Variants in PPP1R12A observed in about 807,000 individuals in gnomAD.
The protein encoded by PPP1R12A is myosin binding subunit.
In PPP1R12A, 19 loss-of-function variants were observed where a neutral mutation model predicts 139.6. The observed-to-expected ratio is 0.14, with a 90% CI of 0.09 to 0.20. The LOEUF (loss-of-function observed/expected upper bound fraction) is 0.20, where lower values mean the gene tolerates loss of function less well. Ranked by LOEUF, PPP1R12A falls within the 10% of genes least tolerant of loss-of-function variation. The pLI is 1.00. For missense variants in PPP1R12A, 925 were observed against 1,211.5 expected (o/e 0.76, Z 3.51); for synonymous variants, 427 against 420.6 (o/e 1.02, Z -0.19).
chr12:79,862,845 G>A (rs543572626), intron 2 of PPP1R12A, among the ~76,000 whole-genome samples: 12 of 152,320 alleles, frequency 7.9e-5, no homozygotes, highest in Admixed American at 7.8e-4. Context: ...TGTTTGATTG[G>A]TATACCTGAA....
chr12:79,798,607 C>G (rs1337690458), intron 14 of PPP1R12A, 23 bp from the exon 15 acceptor site: 2 of 1,392,208 alleles, frequency 1.4e-6, no homozygotes, highest in Non-Finnish European at 2.0e-6. Flanking sequence ...ATTGAAAAAT[C>G]GTTAGTTGTA....
chr12:79,907,514 TAAAC>T (rs969665772), intron 1 of PPP1R12A, among the ~76,000 whole-genome samples: 8 of 152,194 alleles, frequency 5.3e-5, no homozygotes, highest in Non-Finnish European at 1.0e-4. Flanking sequence ...AAGAACTTGA[TAAAC>T]AGAGCAAGTG....
At chr12:79,788,868 A>G (rs1871443291) in intron 20 of PPP1R12A, 85 bp from the exon 21 acceptor site, 1 of 1,206,600 alleles carries the variant, frequency 8.3e-7, no homozygotes, top group Non-Finnish European at 1.1e-6. Context: ...ATATAACTTG[A>G]CAGTTCAAAA....
Position 79,934,996 on chromosome 12 carries a change from A to G in PPP1R12A, c.-65T>C, listed in dbSNP as rs974572753. ...GAAGGGGGAGGCGGAGAGGGAAGAGAGGGGAGGCAGGGGGTGTGTGAATGT... is the reference window on the plus strand; with the variant it reads ...GAAGGGGGAGGCGGAGAGGGAAGAGGGGGGAGGCAGGGGGTGTGTGAATGT... On this transcript the variant is annotated 5_prime_UTR_variant, in exon 1 of 25. Coordinates refer to ENST00000450142, the MANE Select transcript of PPP1R12A (RefSeq NM_002480.3). 199 of 1,500,162 alleles carry G rather than the reference A, an allele frequency of 1.3e-4. No homozygotes were observed. The highest frequency in any genetic ancestry group is 1.6e-4 in the Non-Finnish European group (183 of 1,122,136). 92.9% of individuals were successfully genotyped at this position (1,500,162 alleles called of 1,614,324 possible). A position where few individuals can be genotyped will look rare whatever the true frequency, so the allele number is the denominator to read the frequency against.
intron 2 of PPP1R12A, among the ~76,000 whole-genome samples, chr12:79,846,470 C>CCCAGGGA (rs1879409880): frequency 6.6e-6 from 1 of 152,050 alleles, no homozygotes; most frequent in Non-Finnish European, 1.5e-5. Context: ...CGCTTTGTCA[C>CCCAGGGA]CCAGGCTGGA....
At position 79,904,208 on chromosome 12, in the gene PPP1R12A, C is replaced by CT. The variant is rs1295576528; in HGVS notation, c.237+30486dup. Among the ~76,000 whole-genome samples the CT allele has an allele frequency of 2.0e-5, 3 of 150,902 alleles. No individual in the cohort carries two copies. The East Asian group carries it at 5.9e-4, about 29-fold the overall frequency. On this transcript the variant is annotated intron_variant, in intron 1 of 24. Transcript: ENST00000450142. ...CCAGCCTGGGTGACAGAGTAAGACT[C>CT]TGTCTCCAAAAAAAAAAAGGAGTGT...
At chr12:79,930,017 T>C (rs1218372991) in intron 1 of PPP1R12A, among the ~76,000 whole-genome samples, 1 of 152,172 alleles carries the variant, frequency 6.6e-6, no homozygotes, top group Non-Finnish European at 1.5e-5. Context: ...TGCTAGGCTC[T>C]GGAAATACAA....
intron 1 of PPP1R12A, among the ~76,000 whole-genome samples, chr12:79,904,934 A>C (rs1885965330): frequency 6.6e-6 from 1 of 152,234 alleles, no homozygotes; most frequent in African/African-American, 2.4e-5. Context: ...TACCAAAACC[A>C]CACAAAGGTA....
intron 3 of PPP1R12A, among the ~76,000 whole-genome samples, chr12:79,843,839 G>C (rs1879069526): frequency 6.6e-6 from 1 of 151,212 alleles, no homozygotes; most frequent in African/African-American, 2.4e-5. Flanking sequence ...TGAGTAGCTG[G>C]GATTACAGGC....
intron 4 of PPP1R12A, 22 bp downstream of exon 4, chr12:79,832,310 C>A: frequency 6.4e-7 from 1 of 1,571,244 alleles, no homozygotes. Context: ...AATAGAAAAA[C>A]TCTGTAAAAA....
intron 1 of PPP1R12A, among the ~76,000 whole-genome samples, chr12:79,919,659 T>C (rs1592834435): frequency 6.6e-6 from 1 of 152,284 alleles, no homozygotes; most frequent in East Asian, 1.9e-4. Flanking sequence ...ATAACTGATG[T>C]AAATTTATAA....
intron 3 of PPP1R12A, among the ~76,000 whole-genome samples, chr12:79,834,343 C>T (rs1183526092): frequency 1.3e-5 from 2 of 152,132 alleles, no homozygotes; most frequent in East Asian, 3.9e-4. Flanking sequence ...AGGGTCTCTA[C>T]AGAGTAGTAA....
chr12:79,922,965 A>T (rs1455583106), intron 1 of PPP1R12A, among the ~76,000 whole-genome samples: 3 of 152,164 alleles, frequency 2.0e-5, no homozygotes, highest in African/African-American at 7.2e-5. Flanking sequence ...ATACAATGTG[A>T]TGAGCGAGTA....
At chr12:79,932,693 A>G (rs1888340448) in intron 1 of PPP1R12A, among the ~76,000 whole-genome samples, 1 of 152,200 alleles carries the variant, frequency 6.6e-6, no homozygotes, top group Admixed American at 6.5e-5. Context: ...TCAGGAAGAC[A>G]TTGGTAAGTC....
intron 2 of PPP1R12A, among the ~76,000 whole-genome samples, chr12:79,871,409 T>C (rs558878955): frequency 1.6e-4 from 25 of 152,252 alleles, no homozygotes; most frequent in African/African-American, 5.3e-4. Context: ...AAGAAAGAGG[T>C]TGAGTTTTAA....
intron 2 of PPP1R12A, 95 bp from the exon 3 acceptor site, chr12:79,845,515 G>C: frequency 3.6e-6 from 3 of 833,944 alleles, no homozygotes; most frequent in Non-Finnish European, 5.7e-6. Context: ...ATATAAAGCA[G>C]CAATAAAGGG....
chr12:79,828,612 G>A (rs918710112), intron 4 of PPP1R12A, 148 bp from the exon 5 acceptor site: 5 of 656,952 alleles, frequency 7.6e-6, no homozygotes, highest in Non-Finnish European at 1.2e-5. Context: ...ATTAACTATG[G>A]CAAATACAAA....
At chr12:79,889,733 C>T (rs1884419950) in intron 1 of PPP1R12A, among the ~76,000 whole-genome samples, 1 of 152,240 alleles carries the variant, frequency 6.6e-6, no homozygotes, top group Non-Finnish European at 1.5e-5. Context: ...TTTGTTTGAG[C>T]TGCTGTCATT....
At chr12:79,788,398 G>A (rs1000325794) in intron 21 of PPP1R12A, 95 of 348,040 alleles carry the variant, frequency 2.7e-4, no homozygotes, top group African/African-American at 1.7e-3. Context: ...CCCATTTATT[G>A]AACGCTCCTT....
Sources: gnomAD v4.1 joint callset for allele counts (sites outside exome capture counted in the v4.1 genomes callset) on GRCh38, gnomAD v4.1.1 for gene constraint, MANE v1.5 for transcripts, NCBI Gene and HGNC (gene_info 2026-07-23, HGNC 2026-07-21) for gene names.